Variants in RSPH6A observed in about 807,000 individuals in gnomAD.
RSPH6A encodes radial spoke head protein 6 homolog A.
Under a neutral mutation model 66.1 loss-of-function variants are expected in RSPH6A, and 49 were observed. The observed-to-expected ratio is 0.74, with a 90% CI of 0.59 to 0.94. RSPH6A has a LOEUF of 0.94. Ranked by LOEUF, RSPH6A falls within the 40% of genes least tolerant of loss-of-function variation. The pLI, the probability that RSPH6A is intolerant of heterozygous loss-of-function variation, is 0.00. For missense variants in RSPH6A, 977 were observed against 948.3 expected (o/e 1.03, Z -0.40); for synonymous variants, 419 against 402.4 (o/e 1.04, Z -0.49).
In RSPH6A at chr19:45,815,195, G is replaced by C; in HGVS notation, c.-19C>G. On this transcript the variant is annotated 5_prime_UTR_variant, in exon 1 of 6. It adds an upstream start codon to the 5' untranslated region. Transcript: ENST00000221538. ...CTCCCATGGTTCGCCAGGAGGCACA[G>C]ATCTCTAGGAGAAAGGCTTGCAGAC... 6.4e-7 allele frequency: 1 copy of C among 1,570,908 alleles called. No individual in the cohort carries two copies. Among genetic ancestry groups the C allele is most frequent in the Non-Finnish European group, 8.6e-7 (1 of 1,163,890 alleles).
chr19:45,802,191 G>A lies in RSPH6A; in HGVS notation c.1727C>T (p.Ala576Val), dbSNP rs368109392. The change falls in exon 4 of 6, where the codon GCA (alanine) becomes GTA (valine). Residue 576 changes from alanine to valine, a missense_variant. Coordinates refer to ENST00000221538, the MANE Select transcript of RSPH6A (RefSeq NM_030785.4). ...CTCCACCTCCTCTGGCCCCTCATCT[G>A]CCTTCTCTTCCTCCTCCCCCAGGTC... ...EEDLGEEEEK[A>V]DEGPEEVEQE... 9.7e-6 allele frequency: 15 copies of A among 1,553,028 alleles called. No individual in the cohort carries two copies. Among genetic ancestry groups the A allele is most frequent in the Non-Finnish European group, 1.3e-5 (15 of 1,145,398 alleles).
intron 3 of RSPH6A, among the ~76,000 whole-genome samples, chr19:45,802,612 T>C (rs184035181): frequency 2.0e-5 from 3 of 150,588 alleles, no homozygotes; most frequent in Non-Finnish European, 4.4e-5. Flanking sequence ...TTTAAGTGAT[T>C]CTCCTGCGTC....
chr19:45,808,442 A>T (rs1970574918), intron 2 of RSPH6A, among the ~76,000 whole-genome samples: 1 of 151,538 alleles, frequency 6.6e-6, no homozygotes, highest in African/African-American at 2.4e-5. Flanking sequence ...CAAGAACAAA[A>T]ATTAGCCAGG....
chr19:45,814,361 G>GA (rs1252117069), intron 1 of RSPH6A, among the ~76,000 whole-genome samples, 166 bp downstream of exon 1: 1 of 152,232 alleles, frequency 6.6e-6, no homozygotes, highest in Non-Finnish European at 1.5e-5. Context: ...ACATGTCTGG[G>GA]AAGTGAATGC....
chr19:45,801,862 C>T (rs530471842), intron 4 of RSPH6A, among the ~76,000 whole-genome samples: 38 of 152,240 alleles, frequency 2.5e-4, no homozygotes, highest in African/African-American at 8.9e-4. Context: ...AGGCAGGGTT[C>T]CCCAACTACA....
In RSPH6A at chr19:45,802,108, G is replaced by C; in HGVS notation, c.1798+12C>G. The C allele has an allele frequency of 6.7e-7, 1 of 1,502,104 alleles. No homozygotes were observed. Among genetic ancestry groups the C allele is most frequent in the Non-Finnish European group, 9.0e-7 (1 of 1,114,014 alleles). 93.0% of individuals were successfully genotyped at this position (1,502,104 alleles called of 1,614,324 possible). On this transcript the variant is annotated intron_variant, in intron 4 of 5. Coordinates refer to ENST00000221538, the MANE Select transcript of RSPH6A (RefSeq NM_030785.4). ...CCAGCCAGTGGTGTACAGGCTGAGA[G>C]GGCTTCCTTACCTGCATCTTCTGAA...
At chr19:45,811,755 T>G (rs1396590933) in intron 1 of RSPH6A, among the ~76,000 whole-genome samples, 2 of 124,616 alleles carry the variant, frequency 1.6e-5, no homozygotes, top group African/African-American at 5.9e-5. Context: ...ATTATTATTA[T>G]TATTATTATT....
chr19:45,803,296 C>T (rs528961950), intron 3 of RSPH6A, among the ~76,000 whole-genome samples: 1 of 151,456 alleles, frequency 6.6e-6, no homozygotes, highest in South Asian at 2.1e-4. Flanking sequence ...GGGAGGATTG[C>T]TTGAGCCCTG....
Position 45,807,354 on chromosome 19 carries a change from T to A in RSPH6A, c.889-2338A>T, listed in dbSNP as rs1336749758. On this transcript the variant is annotated intron_variant, in intron 2 of 5. Transcript: ENST00000221538. ...CCTCAGCCTCCCAAGTAGCTGGGAC[T>A]ACAGGCGCCCACCACCATGCCCGGC... 3.7e-4 allele frequency among the ~76,000 whole-genome samples: 56 copies of A among 151,876 alleles called. 1 individual carries two copies. In the East Asian group the frequency reaches 4.5e-3, roughly 12 times the overall value.
intron 2 of RSPH6A, among the ~76,000 whole-genome samples, chr19:45,807,377 G>A (rs1394335883): frequency 4.6e-5 from 7 of 151,384 alleles, no homozygotes; most frequent in African/African-American, 7.3e-5. Flanking sequence ...CACCATGCCC[G>A]GCTAATTTTT....
chr19:45,800,989 G>C (rs1271946964), intron 4 of RSPH6A, among the ~76,000 whole-genome samples: 4 of 151,916 alleles, frequency 2.6e-5, no homozygotes, highest in Non-Finnish European at 5.9e-5. Context: ...GTAGAGACAG[G>C]GTTTCACCAT....
rs1970508308 is a variant in RSPH6A, at chr19:45,804,157, C to T, written c.1653+95G>A. The T allele has an allele frequency of 2.1e-6, 2 of 965,700 alleles. No homozygotes were observed. Among genetic ancestry groups the T allele is most frequent in the African/African-American group, 3.3e-5 (2 of 61,382 alleles). 59.8% of individuals were successfully genotyped at this position (965,700 alleles called of 1,614,324 possible). On this transcript the variant is annotated intron_variant, in intron 3 of 5. Coordinates refer to ENST00000221538, the MANE Select transcript of RSPH6A (RefSeq NM_030785.4). The surrounding 1 kb of genome is among the most constrained non-coding windows in gnomAD (Gnocchi z 5.8). ...GAATGAACGAATGAATATTAGTTGC[C>T]CAGCAGAGAGTAAGAGCTTGATGTC... is the stretch of plus-strand genomic sequence containing the variant.
At position 45,799,125 on chromosome 19, in the gene RSPH6A, G is replaced by A. The variant is rs376784974; in HGVS notation, c.1916+1321C>T. Among the ~76,000 whole-genome samples the A allele has an allele frequency of 2.0e-3, 299 of 152,324 alleles. 2 individuals are homozygous for A. The highest frequency in any genetic ancestry group is 3.0e-3 in the Admixed American group (46 of 15,294). Reference sequence around the variant, plus strand: ...TCCAGATTACATGCAATCCCACCACGGCTGTGATTCATACAGGAGCGAATA... The same window carrying A: ...TCCAGATTACATGCAATCCCACCACAGCTGTGATTCATACAGGAGCGAATA... On this transcript the variant is annotated intron_variant, in intron 5 of 5. Coordinates refer to ENST00000221538, the MANE Select transcript of RSPH6A (RefSeq NM_030785.4).
chr19:45,815,106 G>A lies in RSPH6A; in HGVS notation c.71C>T (p.Ser24Phe). ...TTGGTCCCGACTGTGCCGCCTCTGG[G>A]AGGCCTGAGAAGTCCTCCGGCCCGG... is the stretch of plus-strand genomic sequence containing the variant. ...QPPGRRTSQA[S>F]QRRHSRDQAQ... Residue 24 changes from serine to phenylalanine, a missense_variant, in exon 1 of 6, where the codon TCC becomes TTC. Transcript: ENST00000221538. 1 of 1,612,838 alleles carries A rather than the reference G, an allele frequency of 6.2e-7. No homozygotes were observed. The highest frequency in any genetic ancestry group is 8.5e-7 in the Non-Finnish European group (1 of 1,180,010).
At chr19:45,809,875 C>T (rs765777733) in intron 2 of RSPH6A, among the ~76,000 whole-genome samples, 2 of 152,280 alleles carry the variant, frequency 1.3e-5, no homozygotes, top group African/African-American at 2.4e-5. Context: ...AGACAGAAAA[C>T]GAGAGAAATA....
In RSPH6A at chr19:45,804,748, G is replaced by A. The variant is rs749147799; in HGVS notation, c.1157C>T (p.Ala386Val). The A allele has an allele frequency of 1.8e-5, 29 of 1,610,764 alleles. No homozygotes were observed. The highest frequency in any genetic ancestry group is 2.3e-5 in the Non-Finnish European group (27 of 1,179,026). The change falls in exon 3 of 6, where the codon GCG (alanine) becomes GTG (valine). Residue 386 changes from alanine to valine, a missense_variant. Physicochemically the swap from Ala to Val is moderately conservative, Grantham distance 64. Transcript: ENST00000221538. The surrounding 1 kb of genome is among the most constrained non-coding windows in gnomAD (Gnocchi z 5.8). Reference sequence around the variant, plus strand: ...CTCCTCGCCCTCCTCCTCGCCGTGCGCCTCCATGACCTCGCCACCTTCCGT... The same window carrying A: ...CTCCTCGCCCTCCTCCTCGCCGTGCACCTCCATGACCTCGCCACCTTCCGT... ...EMTEGGEVMEAHGEEEGEEDE... is the reference protein window; with the variant it reads ...EMTEGGEVMEVHGEEEGEEDE...
chr19:45,805,521 G>A (rs985118318), intron 2 of RSPH6A, among the ~76,000 whole-genome samples: 4 of 152,128 alleles, frequency 2.6e-5, no homozygotes, highest in Middle Eastern at 3.4e-3. Flanking sequence ...GTGAAACCCC[G>A]TCTCTACAAA....
intron 1 of RSPH6A, among the ~76,000 whole-genome samples, chr19:45,813,619 A>C (rs1970658882): frequency 6.6e-6 from 1 of 152,220 alleles, no homozygotes; most frequent in African/African-American, 2.4e-5. Context: ...TGCTGGGATA[A>C]CAGGCGTGAG....
intron 1 of RSPH6A, among the ~76,000 whole-genome samples, chr19:45,814,054 G>A (rs759823099): frequency 2.0e-5 from 3 of 152,120 alleles, no homozygotes; most frequent in Admixed American, 6.6e-5. Context: ...AACTACTCGG[G>A]AGGCTGAAGC....
Sources: gnomAD v4.1 joint callset for allele counts (sites outside exome capture counted in the v4.1 genomes callset) on GRCh38, gnomAD v4.1.1 for gene constraint, Gnocchi (gnomAD v3.1) non-coding constraint, MANE v1.5 for transcripts, NCBI Gene and HGNC (gene_info 2026-07-23, HGNC 2026-07-21) for gene names.